ADAMTS17: variants seen among roughly 807,000 people sequenced by gnomAD.
ADAMTS17 encodes ADAM metallopeptidase with thrombospondin type 1 motif 17, also known as A disintegrin and metalloproteinase with thrombospondin motifs 17.
A neutral mutation model predicts 141.5 loss-of-function variants in ADAMTS17; 113 were observed. The observed-to-expected ratio is 0.80, with a 90% CI of 0.69 to 0.93. The LOEUF is 0.93. ADAMTS17 is among the 40% of genes least tolerant of loss of function. The probability of loss-of-function intolerance (pLI) is 0.00; values close to 1 mark genes in which losing one functional copy is unlikely to be tolerated. For synonymous variants in ADAMTS17, 768 were observed against 630.6 expected, an observed-to-expected ratio of 1.22 and a Z score of -3.27; for missense variants, 1,659 against 1,517.9, an observed-to-expected ratio of 1.09 and a Z score of -1.54.
At chr15:100,235,089 C>A (rs1417410275) in intron 7 of ADAMTS17, among the ~76,000 whole-genome samples, 1 of 152,102 alleles carries the variant, frequency 6.6e-6, no homozygotes, top group Admixed American at 6.5e-5. Flanking sequence ...CCTGCCTCAG[C>A]GATTCGAGAA....
chr15:100,253,972 T>G (rs1437196923), intron 7 of ADAMTS17, among the ~76,000 whole-genome samples, 164 bp downstream of exon 7: 2 of 151,838 alleles, frequency 1.3e-5, no homozygotes, highest in African/African-American at 4.8e-5. Flanking sequence ...TCAAATCATT[T>G]CAGGAAAATA....
intron 15 of ADAMTS17, among the ~76,000 whole-genome samples, chr15:100,088,289 G>C (rs929234375): frequency 6.6e-6 from 1 of 152,228 alleles, no homozygotes; most frequent in Admixed American, 6.5e-5. Flanking sequence ...CAAGGGATGT[G>C]AAGGACCTTT....
At chr15:100,265,051 T>G (rs1297846518) in intron 4 of ADAMTS17, among the ~76,000 whole-genome samples, 2 of 152,228 alleles carry the variant, frequency 1.3e-5, no homozygotes, top group African/African-American at 4.8e-5. Flanking sequence ...GCAAGCCTTG[T>G]AAGAAGAAAT....
intron 7 of ADAMTS17, among the ~76,000 whole-genome samples, chr15:100,200,066 G>A (rs2141640228): frequency 1.3e-5 from 2 of 152,350 alleles, no homozygotes; most frequent in Middle Eastern, 6.8e-3. Flanking sequence ...GCCAGCGCTG[G>A]GAGAGCCAGG....
intron 18 of ADAMTS17, among the ~76,000 whole-genome samples, chr15:100,004,224 T>A (rs12914189): frequency 0.49 from 74,504 of 152,212 alleles, 18,978 homozygotes; most frequent in Non-Finnish European, 0.57. Context: ...GGACTTTGTG[T>A]ACAAGCACTC....
intron 18 of ADAMTS17, among the ~76,000 whole-genome samples, chr15:100,001,866 G>A (rs939841340): frequency 2.7e-5 from 4 of 150,074 alleles, no homozygotes; most frequent in African/African-American, 1.0e-4. Flanking sequence ...CTACTTGGGA[G>A]GCTGAGGTGA....
chr15:100,083,862 T>C (rs536669100), intron 15 of ADAMTS17, among the ~76,000 whole-genome samples: 101 of 151,846 alleles, frequency 6.7e-4, no homozygotes, highest in African/African-American at 2.4e-3. Flanking sequence ...GGCAAGGTTT[T>C]TGAGCCAAGA....
At chr15:100,195,846 C>A (rs1435386793) in intron 8 of ADAMTS17, among the ~76,000 whole-genome samples, 1 of 152,098 alleles carries the variant, frequency 6.6e-6, no homozygotes, top group Non-Finnish European at 1.5e-5. Context: ...TAATTTGTAT[C>A]CTTATTTTAA....
In ADAMTS17 at chr15:100,148,593, C is replaced by T. The variant is rs369917792; in HGVS notation, c.1473+4019G>A. Reference sequence around the variant, plus strand: ...TACACTGCTTCTAATGAGAGGTGTACTGTCAGTTTTACCTTTATCTGTATA... The same window carrying T: ...TACACTGCTTCTAATGAGAGGTGTATTGTCAGTTTTACCTTTATCTGTATA... On this transcript the variant is annotated intron_variant, in intron 10 of 21. Transcript: ENST00000268070. 2.6e-3 allele frequency among the ~76,000 whole-genome samples: 389 copies of T among 151,876 alleles called. 1 individual carries two copies. The highest frequency in any genetic ancestry group is 8.8e-3 in the African/African-American group (365 of 41,424).
rs1234780508 is a variant in ADAMTS17, at chr15:100,049,001, C to G, written c.2456-9G>C. ...GATGGTTCTGCGCTCCCCTGGAAAC[C>G]AAACCACAGGGAGCTGAGAGACTGT... On this transcript the variant is annotated splice_polypyrimidine_tract_variant and intron_variant, in intron 17 of 21. Coordinates refer to ENST00000268070, the MANE Select transcript of ADAMTS17 (RefSeq NM_139057.4). 1 of 1,614,144 alleles carries G rather than the reference C, an allele frequency of 6.2e-7. No homozygotes were observed. The highest frequency in any genetic ancestry group is 1.1e-5 in the South Asian group (1 of 91,064).
intron 15 of ADAMTS17, among the ~76,000 whole-genome samples, chr15:100,073,577 G>A (rs1030430805): frequency 4.6e-5 from 7 of 151,906 alleles, no homozygotes; most frequent in Non-Finnish European, 8.8e-5. Flanking sequence ...GGAATACTAT[G>A]CAGCCATAAA....
At chr15:100,332,552 T>C (rs545267912) in intron 2 of ADAMTS17, among the ~76,000 whole-genome samples, 22 of 152,378 alleles carry the variant, frequency 1.4e-4, no homozygotes, top group Non-Finnish European at 2.2e-4. Flanking sequence ...CTTTCAAAGC[T>C]AGTTATTATT....
chr15:100,340,499 G>A (rs888471658), intron 2 of ADAMTS17, among the ~76,000 whole-genome samples: 2 of 152,098 alleles, frequency 1.3e-5, no homozygotes, highest in Admixed American at 6.5e-5. Flanking sequence ...GTTTCAGCTA[G>A]GAAGAGTGGG....
intron 18 of ADAMTS17, among the ~76,000 whole-genome samples, chr15:100,039,591 G>C (rs759193800): frequency 6.6e-6 from 1 of 152,022 alleles, no homozygotes; most frequent in Non-Finnish European, 1.5e-5. Flanking sequence ...GTCATTCCAC[G>C]GTGGCCAGAA....
rs115256330 is a variant in ADAMTS17, at chr15:100,222,244, G to A, written c.1076-22821C>T. ...GGAAGCAGAGTGCCAGGTAAGCACC[G>A]AGGAGGTGCCGCTTCATGCAGACAG... On this transcript the variant is annotated intron_variant, in intron 7 of 21. Coordinates refer to ENST00000268070, the MANE Select transcript of ADAMTS17 (RefSeq NM_139057.4). 5.8e-3 allele frequency among the ~76,000 whole-genome samples: 881 copies of A among 152,266 alleles called. 15 individuals carry two copies. The highest frequency in any genetic ancestry group is 0.021 in the African/African-American group (859 of 41,550).
chr15:100,006,097 TA>T (rs2061031850), intron 18 of ADAMTS17, among the ~76,000 whole-genome samples: 1 of 152,190 alleles, frequency 6.6e-6, no homozygotes, highest in South Asian at 2.1e-4. Flanking sequence ...TCATTTTACC[TA>T]ATTACATCTG....
In ADAMTS17 at chr15:100,341,344, G is replaced by T; in HGVS notation, c.145C>A (p.His49Asn). Residue 49 changes from histidine (H) to asparagine (N), a missense_variant, in exon 2 of 22, where the codon CAC (histidine) becomes AAC (asparagine). Coordinates refer to ENST00000268070, the MANE Select transcript of ADAMTS17 (RefSeq NM_139057.4). ...GGGGCTGCGGGCAGCGGCGGCAGGT[G>T]CACGTCGTCGGGGCGCACCCGCCAC... ...LPWRVRPDDV[H>N]LPPLPAAPGP... 1 of 1,020,094 alleles carries T rather than the reference G, an allele frequency of 9.8e-7. No homozygotes were observed. Among genetic ancestry groups the T allele is most frequent in the Non-Finnish European group, 1.2e-6 (1 of 854,828 alleles). 63.2% of individuals were successfully genotyped at this position (1,020,094 alleles called of 1,614,324 possible). A position where few individuals can be genotyped will look rare whatever the true frequency, so the allele number is the denominator to read the frequency against.
rs71151931 is a variant in ADAMTS17, at chr15:100,001,994, C to CAAAAAAAAAAAA, written c.2592-4417_2592-4406dup. Among the ~76,000 whole-genome samples, 7 of 58,368 alleles carry CAAAAAAAAAAAA rather than the reference C, an allele frequency of 1.2e-4. 1 individual carries two copies. The highest frequency in any genetic ancestry group is 1.9e-4 in the Non-Finnish European group (6 of 31,898). The allele number at this position is 58,368 out of a possible 152,430, so 38.3% of individuals were successfully genotyped here. On this transcript the variant is annotated intron_variant, in intron 18 of 21. Transcript: ENST00000268070. The stretch of plus-strand genomic sequence containing the variant: ...TCAGTCTCAAAAAAAAGGCCAAACC[C>CAAAAAAAAAAAA]AAAAAAAAAAAAAAAAAAAAAAGAA...
chr15:100,225,229 A>AGGGCTAAAG (rs1174531002), intron 7 of ADAMTS17, among the ~76,000 whole-genome samples: 2 of 152,258 alleles, frequency 1.3e-5, no homozygotes, highest in Non-Finnish European at 2.9e-5. Context: ...AAGGGCTAAA[A>AGGGCTAAAG]GATCCTTTTT....
Sources: gnomAD v4.1 joint callset for allele counts (sites outside exome capture counted in the v4.1 genomes callset) on GRCh38, gnomAD v4.1.1 for gene constraint, MANE v1.5 for transcripts, NCBI Gene and HGNC (gene_info 2026-07-23, HGNC 2026-07-21) for gene names.